Variants in PEBP1 observed in about 807,000 individuals in gnomAD.
PEBP1 encodes phosphatidylethanolamine binding protein 1, also known as phosphatidylethanolamine-binding protein 1.
A neutral mutation model predicts 22.7 loss-of-function variants in PEBP1; 17 were observed. That is an observed-to-expected ratio of 0.75 (90% CI 0.51 to 1.12). The LOEUF (loss-of-function observed/expected upper bound fraction) is 1.12, where lower values mean the gene tolerates loss of function less well. PEBP1 is among the 50% of genes most tolerant of loss of function. PEBP1 has a pLI of 0.00. For missense variants in PEBP1, 205 were observed against 243.5 expected (o/e 0.84, Z 1.05); for synonymous variants, 106 against 104.3 (o/e 1.02, Z -0.10).
chr12:118,141,181 ATCTCGGC>A (rs1236043376), intron 3 of PEBP1, among the ~76,000 whole-genome samples: 1 of 150,878 alleles, frequency 6.6e-6, no homozygotes, highest in Non-Finnish European at 1.5e-5. Flanking sequence ...CAATGGCGTG[ATCTCGGC>A]TCACTACAAC....
In PEBP1 at chr12:118,144,895, G is replaced by C; in HGVS notation, c.*92G>C. ...TGTATAATAGATTTCTCCTCTTCCT[G>C]CCCCCCTTGGCATGGGTGAGACCTG... On this transcript the variant is annotated 3_prime_UTR_variant, in exon 4 of 4. Transcript: ENST00000261313. The C allele has an allele frequency of 6.3e-7, 1 of 1,587,998 alleles. No individual in the cohort carries two copies. Among genetic ancestry groups the C allele is most frequent in the East Asian group, 2.2e-5 (1 of 44,552 alleles).
chr12:118,137,952 G>A (rs1380625478), intron 1 of PEBP1, 87 bp from the exon 2 acceptor site: 2 of 854,738 alleles, frequency 2.3e-6, no homozygotes, highest in Non-Finnish European at 3.9e-6. Context: ...CTCCCAAAGT[G>A]CTGGGATTAC....
At chr12:118,137,981 C>A in intron 1 of PEBP1, 58 bp from the exon 2 acceptor site, 2 of 1,191,602 alleles carry the variant, frequency 1.7e-6, no homozygotes, top group East Asian at 2.4e-5. Flanking sequence ...GCCACCACAC[C>A]CAGCCAGTTT....
In PEBP1 at chr12:118,136,772, T is replaced by C. The variant is rs751892682; in HGVS notation, c.135+428T>C. Reference sequence around the variant, plus strand: ...GGCCTGGTTTTGGAGGGCTGAAGCCTCACCCGAGAGCCTGTGACGCATTAT... The same window carrying C: ...GGCCTGGTTTTGGAGGGCTGAAGCCCCACCCGAGAGCCTGTGACGCATTAT... On this transcript the variant is annotated intron_variant, in intron 1 of 3. Coordinates refer to ENST00000261313, the MANE Select transcript of PEBP1 (RefSeq NM_002567.4). The surrounding 1 kb of genome is among the most constrained non-coding windows in gnomAD (Gnocchi z 5.6). 6.6e-6 allele frequency among the ~76,000 whole-genome samples: 1 copy of C among 152,110 alleles called. No homozygotes were observed. Among genetic ancestry groups the C allele is most frequent in the Non-Finnish European group, 1.5e-5 (1 of 68,010 alleles).
intron 1 of PEBP1, among the ~76,000 whole-genome samples, chr12:118,137,333 G>A (rs1178371883): frequency 1.3e-5 from 2 of 152,018 alleles, no homozygotes; most frequent in Non-Finnish European, 2.9e-5. Flanking sequence ...TAGCCCCATG[G>A]TGTTGTTGGG....
chr12:118,140,462 GCA>G, intron 3 of PEBP1, among the ~76,000 whole-genome samples: 1 of 152,276 alleles, frequency 6.6e-6, no homozygotes, highest in Non-Finnish European at 1.5e-5. Context: ...GTTCTCTAGG[GCA>G]GTTATAAAAT....
intron 3 of PEBP1, among the ~76,000 whole-genome samples, chr12:118,140,534 G>A (rs2138085251): frequency 6.6e-6 from 1 of 152,208 alleles, no homozygotes. Flanking sequence ...TCAAGTAAGA[G>A]CTGTGTTCTC....
intron 3 of PEBP1, 32 bp from the exon 4 acceptor site, chr12:118,144,554 T>G: frequency 6.3e-7 from 1 of 1,589,616 alleles, no homozygotes; most frequent in Non-Finnish European, 8.6e-7. Context: ...TGCTGGGCTG[T>G]GTGTACATCT....
In PEBP1 at chr12:118,136,500, C is replaced by A. The variant is rs1223386990; in HGVS notation, c.135+156C>A. On this transcript the variant is annotated intron_variant, in intron 1 of 3. Coordinates refer to ENST00000261313, the MANE Select transcript of PEBP1 (RefSeq NM_002567.4). This position sits in a 1 kb window ranked among gnomAD's most constrained non-coding sequence, Gnocchi z 5.6. ...AGGCCAGAGGTCCCGGGGTCCATGT[C>A]CCATGCCTGGGGGCCACCCCGAGCA... Among the ~76,000 whole-genome samples, 1 of 152,222 alleles carries A rather than the reference C, an allele frequency of 6.6e-6. No homozygotes were observed.
chr12:118,144,440 C>T (rs756921796), intron 3 of PEBP1, 146 bp from the exon 4 acceptor site: 32 of 736,898 alleles, frequency 4.3e-5, no homozygotes, highest in Non-Finnish European at 7.0e-5. Flanking sequence ...TTAATTTGCA[C>T]CAAATACCTG....
chr12:118,145,247 A>T lies in PEBP1; in HGVS notation c.*444A>T, dbSNP rs957223348. 5.0e-5 allele frequency: 17 copies of T among 342,142 alleles called. No homozygotes were observed. Among genetic ancestry groups the T allele is most frequent in the South Asian group, 4.0e-4 (17 of 42,252 alleles). 21.2% of individuals were successfully genotyped at this position (342,142 alleles called of 1,614,324 possible). A position where few individuals can be genotyped will look rare whatever the true frequency, so the allele number is the denominator to read the frequency against. Reference sequence around the variant, plus strand: ...CCAGAATGGTACACAATGTGATTTTATGGTGATGTCACTCACCTAGACAAC... The same window carrying T: ...CCAGAATGGTACACAATGTGATTTTTTGGTGATGTCACTCACCTAGACAAC... On this transcript the variant is annotated 3_prime_UTR_variant, in exon 4 of 4. Coordinates refer to ENST00000261313, the MANE Select transcript of PEBP1 (RefSeq NM_002567.4).
intron 3 of PEBP1, among the ~76,000 whole-genome samples, chr12:118,139,822 A>G (rs938939493): frequency 3.9e-5 from 6 of 152,178 alleles, no homozygotes; most frequent in Admixed American, 3.3e-4. Flanking sequence ...AGAGGGAAGC[A>G]CTGTTGCAGA....
Position 118,136,578 on chromosome 12 carries a change from T to A in PEBP1, c.135+234T>A, listed in dbSNP as rs949640231. 1.3e-5 allele frequency among the ~76,000 whole-genome samples: 2 copies of A among 152,168 alleles called. No individual in the cohort carries two copies. Among genetic ancestry groups the A allele is most frequent in the Non-Finnish European group, 2.9e-5 (2 of 68,016 alleles). On this transcript the variant is annotated intron_variant, in intron 1 of 3. Coordinates refer to ENST00000261313, the MANE Select transcript of PEBP1 (RefSeq NM_002567.4). The surrounding 1 kb of genome is among the most constrained non-coding windows in gnomAD (Gnocchi z 5.6). ...GGCAGGTTCGGCCTGCGGCAGAAAT[T>A]CATTCACTTTTCCCGGGCTTCAGAC...
At chr12:118,142,826 C>CTTTTTTTTT (rs374392598) in intron 3 of PEBP1, among the ~76,000 whole-genome samples, 6 of 93,636 alleles carry the variant, frequency 6.4e-5, no homozygotes, top group South Asian at 4.3e-4. Context: ...ACTACATTCA[C>CTTTTTTTTT]TTTTTTTTTT....
chr12:118,141,283 A>C (rs2034111750), intron 3 of PEBP1, among the ~76,000 whole-genome samples: 1 of 151,818 alleles, frequency 6.6e-6, no homozygotes. Context: ...CGCCCAGCTA[A>C]TTTTTGTATT....
chr12:118,138,629 C>T (rs2034087471), intron 2 of PEBP1, among the ~76,000 whole-genome samples: 1 of 152,074 alleles, frequency 6.6e-6, no homozygotes, highest in Non-Finnish European at 1.5e-5. Flanking sequence ...CTCCTGACCT[C>T]AGGTGATCTG....
chr12:118,144,246 A>G (rs948458603), intron 3 of PEBP1, among the ~76,000 whole-genome samples: 1 of 151,854 alleles, frequency 6.6e-6, no homozygotes, highest in African/African-American at 2.4e-5. Context: ...ATGAATGAAG[A>G]GCACAGAGGC....
At position 118,142,902 on chromosome 12, in the gene PEBP1, C is replaced by T. The variant is rs568893464; in HGVS notation, c.347-1684C>T. Among the ~76,000 whole-genome samples, 6 of 138,814 alleles carry T rather than the reference C, an allele frequency of 4.3e-5. 1 individual carries two copies. The East Asian group carries it at 1.1e-3, about 26-fold the overall frequency. The allele number at this position is 138,814 out of a possible 152,430, so 91.1% of individuals were successfully genotyped here. ...TCCCCTAGGCTGGAGCACAGTGGCA[C>T]GTTTTCAGCTCACTGCAGGGCTCAG... On this transcript the variant is annotated intron_variant, in intron 3 of 3. Transcript: ENST00000261313.
At chr12:118,141,361 C>T (rs576151048) in intron 3 of PEBP1, among the ~76,000 whole-genome samples, 12 of 152,110 alleles carry the variant, frequency 7.9e-5, no homozygotes, top group South Asian at 6.2e-4. Flanking sequence ...GTGATCCGCC[C>T]GCCTTGGCCT....
Sources: gnomAD v4.1 joint callset for allele counts (sites outside exome capture counted in the v4.1 genomes callset) on GRCh38, gnomAD v4.1.1 for gene constraint, Gnocchi (gnomAD v3.1) non-coding constraint, MANE v1.5 for transcripts, NCBI Gene and HGNC (gene_info 2026-07-23, HGNC 2026-07-21) for gene names.